Variants in NCAM1 observed in about 807,000 individuals in gnomAD.
NCAM1 encodes the protein neural cell adhesion molecule 1.
NCAM1 carries 14 observed loss-of-function variants against 109.8 expected under a neutral mutation model. That is an observed-to-expected ratio of 0.13 (90% confidence interval 0.08 to 0.20). The LOEUF (loss-of-function observed/expected upper bound fraction) is 0.20, where lower values mean the gene tolerates loss of function less well. Among genes scored for constraint, NCAM1 ranks in the 10% least tolerant of loss-of-function variants. The probability of loss-of-function intolerance (pLI) is 1.00; values close to 1 mark genes in which losing one functional copy is unlikely to be tolerated. For synonymous variants in NCAM1, 418 were observed against 442.9 expected (o/e 0.94, Z 0.70); for missense variants, 774 against 1,109.9 (o/e 0.70, Z 4.30).
chr11:112,998,672 T>C (rs561706635), intron 1 of NCAM1, among the ~76,000 whole-genome samples: 106 of 152,228 alleles, frequency 7.0e-4, no homozygotes, highest in African/African-American at 2.3e-3. Context: ...ATGCTTTCCT[T>C]TTCTCCCAGT....
chr11:113,256,629 C>A (rs1471954895), intron 16 of NCAM1, among the ~76,000 whole-genome samples: 1 of 152,228 alleles, frequency 6.6e-6, no homozygotes, highest in Non-Finnish European at 1.5e-5. Context: ...GCCACCTGAG[C>A]TGTCCTAATC....
intron 1 of NCAM1, among the ~76,000 whole-genome samples, chr11:112,999,004 C>T (rs1419931497): frequency 6.6e-5 from 10 of 152,282 alleles, no homozygotes; most frequent in African/African-American, 2.4e-4. Context: ...AGACCCCTCC[C>T]CCTCTTTATT....
chr11:113,143,316 A>G (rs1941897479), intron 1 of NCAM1, among the ~76,000 whole-genome samples: 1 of 152,254 alleles, frequency 6.6e-6, no homozygotes, highest in Admixed American at 6.5e-5. Context: ...TTTCAAAAAA[A>G]TATTTAAATC....
chr11:113,009,088 C>G (rs915691590), intron 1 of NCAM1, among the ~76,000 whole-genome samples: 2 of 152,094 alleles, frequency 1.3e-5, no homozygotes, highest in African/African-American at 4.8e-5. Context: ...AGAAACTGAG[C>G]CTTGAACTCA....
At chr11:113,175,396 T>C (rs1213950300) in intron 1 of NCAM1, among the ~76,000 whole-genome samples, 5 of 152,224 alleles carry the variant, frequency 3.3e-5, no homozygotes, top group Non-Finnish European at 5.9e-5. Context: ...CCACCCTAGT[T>C]GGGAAACTTT....
chr11:113,264,231 T>C (rs782766958), intron 17 of NCAM1: 29 of 984,622 alleles, frequency 2.9e-5, no homozygotes, highest in Non-Finnish European at 3.4e-5. Context: ...TTTTGGTTTC[T>C]TTATGTATTT....
intron 1 of NCAM1, among the ~76,000 whole-genome samples, chr11:113,121,311 C>G (rs1940946896): frequency 6.8e-6 from 1 of 146,738 alleles, no homozygotes; most frequent in South Asian, 2.2e-4. Context: ...ACCTCTGCCC[C>G]CCAGGTTCAA....
intron 1 of NCAM1, among the ~76,000 whole-genome samples, chr11:113,185,079 TAGAGAGAGAGAGAG>T (rs782462491): frequency 8.0e-6 from 1 of 125,758 alleles, no homozygotes; most frequent in African/African-American, 3.2e-5. Flanking sequence ...TATATATATA[TAGAGAGAGAGAGAG>T]AGAGAGAGAG....
At chr11:113,058,393 T>C (rs1352850180) in intron 1 of NCAM1, among the ~76,000 whole-genome samples, 3 of 152,206 alleles carry the variant, frequency 2.0e-5, no homozygotes, top group Middle Eastern at 3.4e-3. Context: ...GGGAGCCCGA[T>C]AGAAAAGGTT....
At chr11:113,251,566 G>T (rs568709411) in intron 15 of NCAM1, among the ~76,000 whole-genome samples, 2 of 152,166 alleles carry the variant, frequency 1.3e-5, no homozygotes, top group South Asian at 4.1e-4. Context: ...CTTTATATTT[G>T]TTATTGGCAA....
intron 7 of NCAM1, among the ~76,000 whole-genome samples, chr11:113,210,894 T>C (rs1392581945): frequency 6.7e-6 from 1 of 150,256 alleles, no homozygotes; most frequent in African/African-American, 2.5e-5. Context: ...AGAGAAGAGG[T>C]GGCCAGGCTC....
chr11:113,159,265 TAGG>T (rs1176693511), intron 1 of NCAM1, among the ~76,000 whole-genome samples: 2 of 152,250 alleles, frequency 1.3e-5, no homozygotes, highest in African/African-American at 2.4e-5. Context: ...AGTTGATAAT[TAGG>T]AGTTACATTC....
intron 1 of NCAM1, among the ~76,000 whole-genome samples, chr11:112,975,558 T>C (rs958951189): frequency 2.0e-5 from 3 of 152,058 alleles, no homozygotes; most frequent in African/African-American, 7.2e-5. Context: ...ATTTTTTTCC[T>C]TTTGTGTGTG....
At chr11:113,072,473 C>T (rs1434025647) in intron 1 of NCAM1, among the ~76,000 whole-genome samples, 1 of 151,926 alleles carries the variant, frequency 6.6e-6, no homozygotes, top group African/African-American at 2.4e-5. Context: ...TGTAGTGGTG[C>T]TTGGGATAAC....
intron 1 of NCAM1, among the ~76,000 whole-genome samples, chr11:113,116,956 G>A (rs550930108): frequency 2.6e-5 from 4 of 151,906 alleles, no homozygotes; most frequent in Non-Finnish European, 5.9e-5. Flanking sequence ...TCTGTAGTTG[G>A]TGAGCTCAAG....
chr11:113,233,959 C>T lies in NCAM1; in HGVS notation c.1693+642C>T, dbSNP rs1449351586. 6.6e-6 allele frequency among the ~76,000 whole-genome samples: 1 copy of T among 152,080 alleles called. No individual in the cohort carries two copies. Among genetic ancestry groups the T allele is most frequent in the Admixed American group, 6.5e-5 (1 of 15,268 alleles). ...CAGTGAAGTATGTTTTGTTTCTGTACAAATTTTTAATCCTGGTCTCGTATG... is the reference window on the plus strand; with the variant it reads ...CAGTGAAGTATGTTTTGTTTCTGTATAAATTTTTAATCCTGGTCTCGTATG... On this transcript the variant is annotated intron_variant, in intron 13 of 19. Coordinates refer to ENST00000316851, the MANE Select transcript of NCAM1 (RefSeq NM_181351.5). This position sits in a 1 kb window ranked among gnomAD's most constrained non-coding sequence, Gnocchi z 4.5.
chr11:113,025,901 T>A (rs1265927614), intron 1 of NCAM1, among the ~76,000 whole-genome samples: 6 of 152,040 alleles, frequency 3.9e-5, no homozygotes, highest in Non-Finnish European at 8.8e-5. Flanking sequence ...GAAACTTTTT[T>A]TGAGTTATTT....
At chr11:113,214,955 A>G (rs1021264319) in intron 8 of NCAM1, among the ~76,000 whole-genome samples, 1 of 152,198 alleles carries the variant, frequency 6.6e-6, no homozygotes, top group African/African-American at 2.4e-5. Flanking sequence ...TACTCATGCT[A>G]TATATGCACT....
chr11:113,189,747 C>T (rs2117912), intron 1 of NCAM1, among the ~76,000 whole-genome samples: 127,288 of 152,056 alleles, frequency 0.84, 53,679 homozygotes, highest in African/African-American at 0.94. Context: ...TGAAGCAAAG[C>T]GAGTTTGTCA....
Sources: allele counts gnomAD v4.1 joint callset (sites outside exome capture counted in the v4.1 genomes callset), GRCh38; gene constraint gnomAD v4.1.1; non-coding constraint Gnocchi (gnomAD v3.1); transcripts MANE v1.5; gene names NCBI Gene and HGNC (gene_info 2026-07-23, HGNC 2026-07-21).